Variants in FAM210A observed in about 807,000 individuals in gnomAD.
The protein encoded by FAM210A is family with sequence similarity 210 member A.
Under a neutral mutation model 25.3 loss-of-function variants are expected in FAM210A, and 13 were observed. The ratio of observed to expected loss-of-function variants is 0.51; its 90% CI spans 0.33 to 0.82. The LOEUF is 0.82. Ranked by LOEUF, FAM210A falls within the 40% of genes least tolerant of loss-of-function variation. The pLI is 0.02. For synonymous variants in FAM210A, 125 were observed against 118.7 expected, an observed-to-expected ratio of 1.05 and a Z score of -0.35; for missense variants, 319 against 323.2, an observed-to-expected ratio of 0.99 and a Z score of 0.10.
intron 2 of FAM210A, among the ~76,000 whole-genome samples, chr18:13,680,897 G>C (rs1464645912): frequency 6.6e-6 from 1 of 152,150 alleles, no homozygotes; most frequent in Non-Finnish European, 1.5e-5. Context: ...ATTAACAAGA[G>C]AGATGCACTT....
chr18:13,673,915 TTATTTCCA>T, intron 2 of FAM210A, among the ~76,000 whole-genome samples: 2 of 79,624 alleles, frequency 2.5e-5, no homozygotes, highest in African/African-American at 1.1e-4. Flanking sequence ...CCTGGCTTCT[TTATTTCCA>T]GTTTCCTGAT....
chr18:13,680,647 T>G (rs2043545330), intron 2 of FAM210A, among the ~76,000 whole-genome samples: 1 of 152,198 alleles, frequency 6.6e-6, no homozygotes, highest in Non-Finnish European at 1.5e-5. Flanking sequence ...TTTGTTAATG[T>G]CTTGATATCA....
At chr18:13,703,482 G>A (rs900512992) in intron 1 of FAM210A, among the ~76,000 whole-genome samples, 9 of 152,128 alleles carry the variant, frequency 5.9e-5, no homozygotes, top group Non-Finnish European at 1.3e-4. Context: ...CTCTTTCAGG[G>A]GACCCATAAA....
At chr18:13,718,455 T>C (rs944596965) in intron 1 of FAM210A, among the ~76,000 whole-genome samples, 2 of 152,080 alleles carry the variant, frequency 1.3e-5, no homozygotes, top group African/African-American at 2.4e-5. Context: ...ATCCTTTATG[T>C]TTACAGATAA....
intron 1 of FAM210A, among the ~76,000 whole-genome samples, chr18:13,692,202 C>A (rs1311337035): frequency 4.6e-5 from 7 of 151,902 alleles, no homozygotes; most frequent in Admixed American, 2.6e-4. Flanking sequence ...AGAGCTAACT[C>A]TCCTAAATAT....
At chr18:13,684,231 C>T (rs909707359) in intron 1 of FAM210A, among the ~76,000 whole-genome samples, 1 of 151,962 alleles carries the variant, frequency 6.6e-6, no homozygotes, top group Non-Finnish European at 1.5e-5. Context: ...CCCATCTCTC[C>T]TAAAAATATA....
At chr18:13,680,670 T>C (rs2043545570) in intron 2 of FAM210A, among the ~76,000 whole-genome samples, 1 of 152,182 alleles carries the variant, frequency 6.6e-6, no homozygotes, top group Non-Finnish European at 1.5e-5. Context: ...CCATTAAATA[T>C]AATCAAGCAC....
chr18:13,676,595 C>T (rs111929090), intron 2 of FAM210A, among the ~76,000 whole-genome samples: 3 of 152,232 alleles, frequency 2.0e-5, no homozygotes, highest in Non-Finnish European at 4.4e-5. Flanking sequence ...AGACATTCAC[C>T]TACATAAGCA....
chr18:13,702,310 G>A (rs1366938417), intron 1 of FAM210A, among the ~76,000 whole-genome samples: 2 of 152,238 alleles, frequency 1.3e-5, no homozygotes, highest in South Asian at 2.1e-4. Flanking sequence ...GTCTTAAGCT[G>A]CAGCCAATTT....
chr18:13,713,983 G>T (rs1010067900), intron 1 of FAM210A, among the ~76,000 whole-genome samples: 2 of 151,980 alleles, frequency 1.3e-5, no homozygotes, highest in Non-Finnish European at 2.9e-5. Context: ...CTCCTCCAGG[G>T]GTACGAACCA....
At chr18:13,694,796 C>T (rs563480814) in intron 1 of FAM210A, among the ~76,000 whole-genome samples, 84 of 152,312 alleles carry the variant, frequency 5.5e-4, no homozygotes, top group Non-Finnish European at 1.1e-3. Context: ...CCATTCAGGA[C>T]ATAGGCATGG....
chr18:13,700,086 TTTGAG>T (rs1044242806), intron 1 of FAM210A, among the ~76,000 whole-genome samples: 3 of 152,180 alleles, frequency 2.0e-5, no homozygotes, highest in Non-Finnish European at 2.9e-5. Flanking sequence ...CACTGTCTTA[TTTGAG>T]TTAAGAGTCA....
At chr18:13,669,055 C>A (rs760450117) in intron 3 of FAM210A, among the ~76,000 whole-genome samples, 1 of 152,186 alleles carries the variant, frequency 6.6e-6, no homozygotes, top group Non-Finnish European at 1.5e-5. Context: ...AAAGCTTCAA[C>A]CCCTCTTTCT....
intron 1 of FAM210A, among the ~76,000 whole-genome samples, chr18:13,724,953 T>C (rs1223819871): frequency 6.6e-6 from 1 of 152,174 alleles, no homozygotes; most frequent in Non-Finnish European, 1.5e-5. Flanking sequence ...TTTGTATTTT[T>C]AGTAGAGACG....
intron 1 of FAM210A, among the ~76,000 whole-genome samples, chr18:13,684,135 G>A (rs965055573): frequency 6.6e-6 from 1 of 152,174 alleles, no homozygotes; most frequent in African/African-American, 2.4e-5. Flanking sequence ...GGTGGCTCAC[G>A]CCTGTAATCT....
At chr18:13,688,326 C>T (rs769915179) in intron 1 of FAM210A, among the ~76,000 whole-genome samples, 3 of 152,160 alleles carry the variant, frequency 2.0e-5, no homozygotes, top group East Asian at 1.9e-4. Flanking sequence ...ACCTACAGCT[C>T]GGCCCCATCC....
chr18:13,720,622 A>G (rs987138359), intron 1 of FAM210A, among the ~76,000 whole-genome samples: 2 of 152,202 alleles, frequency 1.3e-5, no homozygotes, highest in African/African-American at 4.8e-5. Flanking sequence ...CTTGCCCACC[A>G]GGTCCAATCA....
chr18:13,707,981 A>T (rs530303785), intron 1 of FAM210A, among the ~76,000 whole-genome samples: 1 of 151,974 alleles, frequency 6.6e-6, no homozygotes, highest in Non-Finnish European at 1.5e-5. Flanking sequence ...GGGGCTGCCC[A>T]ATTTGCGAAT....
chr18:13,700,945 T>G (rs780848678), intron 1 of FAM210A, among the ~76,000 whole-genome samples: 2 of 152,194 alleles, frequency 1.3e-5, no homozygotes, highest in Non-Finnish European at 2.9e-5. Context: ...CGTATATCAT[T>G]TCCCTTTTTT....
Sources: gnomAD v4.1 joint callset for allele counts (sites outside exome capture counted in the v4.1 genomes callset) on GRCh38, gnomAD v4.1.1 for gene constraint, MANE v1.5 for transcripts, NCBI Gene and HGNC (gene_info 2026-07-23, HGNC 2026-07-21) for gene names.